The following ZNF737 variants were observed in gnomAD, a reference collection of about 807,000 sequenced individuals.
ZNF737 encodes the protein zinc finger protein 737, also known as zinc finger protein 102 (Y3).
ZNF737 carries 13 observed loss-of-function variants against 11.7 expected under a neutral mutation model. The observed-to-expected ratio is 1.11, with a 90% CI of 0.73 to 1.77. ZNF737 has a LOEUF of 1.77. Ranked by LOEUF, ZNF737 falls within the 40% of genes most tolerant of loss-of-function variation. The pLI, the probability that ZNF737 is intolerant of heterozygous loss-of-function variation, is 0.00. For missense variants in ZNF737, 636 were observed against 638.0 expected (o/e 1.00, Z 0.03); for synonymous variants, 217 against 216.2 (o/e 1.00, Z -0.03).
intron 2 of ZNF737, 132 bp downstream of exon 2, chr19:20,553,577 T>C: frequency 9.8e-7 from 1 of 1,017,312 alleles, no homozygotes; most frequent in Non-Finnish European, 1.4e-6. Context: ...AATGAACAAA[T>C]TCTGAAGATT....
Position 20,541,104 on chromosome 19 carries a change from C to A in ZNF737, c.*3488G>T. ...TCTGGGGAGAATCCGAATCACAGGCCAGAACATTTTATATTAATAAATTCA... is the reference window on the plus strand; with the variant it reads ...TCTGGGGAGAATCCGAATCACAGGCAAGAACATTTTATATTAATAAATTCA... On this transcript the variant is annotated 3_prime_UTR_variant, in exon 4 of 4. Transcript: ENST00000427401. 2.0e-6 allele frequency: 2 copies of A among 984,332 alleles called. No homozygotes were observed. Among genetic ancestry groups the A allele is most frequent in the Non-Finnish European group, 2.4e-6 (2 of 829,032 alleles). The allele number at this position is 984,332 out of a possible 1,614,324, so 61.0% of individuals were successfully genotyped here.
rs1349729749 is a variant in ZNF737, at chr19:20,540,180, A to G, written c.*4412T>C. On this transcript the variant is annotated 3_prime_UTR_variant, in exon 4 of 4. Coordinates refer to ENST00000427401, the MANE Select transcript of ZNF737 (RefSeq NM_001159293.2). Reference sequence around the variant, plus strand: ...GTGGCCACCATAAGCAGCTTACAACATGTTCTACCTAGAAGTCACTTACTT... The same window carrying G: ...GTGGCCACCATAAGCAGCTTACAACGTGTTCTACCTAGAAGTCACTTACTT... The G allele has an allele frequency of 1.0e-6, 1 of 984,890 alleles. No homozygotes were observed. The highest frequency in any genetic ancestry group is 1.1e-4 in the East Asian group (1 of 8,816). 61.0% of individuals were successfully genotyped at this position (984,890 alleles called of 1,614,324 possible). A position where few individuals can be genotyped will look rare whatever the true frequency, so the allele number is the denominator to read the frequency against.
rs1478700229 is a variant in ZNF737, at chr19:20,541,167, TA to T, written c.*3424del. The T allele has an allele frequency of 5.1e-6, 5 of 982,704 alleles. No individual in the cohort carries two copies. The South Asian group carries it at 2.4e-4, about 46-fold the overall frequency. The allele number at this position is 982,704 out of a possible 1,614,324, so 60.9% of individuals were successfully genotyped here. A position where few individuals can be genotyped will look rare whatever the true frequency, so the allele number is the denominator to read the frequency against. On this transcript the variant is annotated 3_prime_UTR_variant, in exon 4 of 4. Transcript: ENST00000427401. ...AAGTATAGATTTGCTTTCACCATTT[TA>T]AAAGTGTTTAGTTTTGTTAATCACC...
rs1427144564 is a variant in ZNF737, at chr19:20,544,650, A to T, written c.1553T>A (p.Phe518Tyr). The change falls in exon 4 of 4, where the codon TTT (phenylalanine) becomes TAT (tyrosine). Residue 518 changes from phenylalanine (F) to tyrosine (Y), a missense_variant. Phe to Tyr is a conservative substitution (Grantham distance 22). Coordinates refer to ENST00000427401, the MANE Select transcript of ZNF737 (RefSeq NM_001159293.2). ...PYKCEECGKGFKCPSTLTTHK... is the reference protein window; with the variant it reads ...PYKCEECGKGYKCPSTLTTHK... ...TGTAGTAAGGGTAGAGGGGCACTTA[A>T]AGCCTTTGCCACATTCTTCACATTT... 8 of 1,608,530 alleles carry T rather than the reference A, an allele frequency of 5.0e-6. No homozygotes were observed. The highest frequency in any genetic ancestry group is 5.9e-6 in the Non-Finnish European group (7 of 1,177,862).
At chr19:20,557,486 T>TA (rs35068430) in intron 1 of ZNF737, among the ~76,000 whole-genome samples, 19,779 of 135,908 alleles carry the variant, frequency 0.15, 3,599 homozygotes, top group African/African-American at 0.44. Context: ...TAAGCTTACC[T>TA]AAAAAAAAAA....
Position 20,553,817 on chromosome 19 carries a change from C to T in ZNF737, c.22G>A (p.Asp8Asn). The stretch of plus-strand genomic sequence containing the variant: ...TCCAGAGAGAATTCTATGGCCACGT[C>T]TCTAAATTGCAATGGCCCCTGAAAC... Reference protein sequence around the residue: MGPLQFRDVAIEFSLEEW... With the variant: MGPLQFRNVAIEFSLEEW... Residue 8 changes from aspartate (D) to asparagine (N), a missense_variant, in exon 2 of 4, where the codon GAC becomes AAC. Asp to Asn is a conservative substitution (Grantham distance 23). Coordinates refer to ENST00000427401, the MANE Select transcript of ZNF737 (RefSeq NM_001159293.2). The T allele has an allele frequency of 1.2e-6, 2 of 1,613,696 alleles. No individual in the cohort carries two copies. Among genetic ancestry groups the T allele is most frequent in the Non-Finnish European group, 1.7e-6 (2 of 1,179,888 alleles).
chr19:20,562,072 C>T (rs1302287032), intron 1 of ZNF737, among the ~76,000 whole-genome samples: 5 of 152,138 alleles, frequency 3.3e-5, no homozygotes, highest in African/African-American at 4.8e-5. Context: ...TGGAAAGAAA[C>T]ACTGTTCCCA....
chr19:20,549,803 G>A (rs1434865330), intron 3 of ZNF737, among the ~76,000 whole-genome samples: 3 of 151,702 alleles, frequency 2.0e-5, no homozygotes. Context: ...GGTGACACAC[G>A]CCTGTAATCC....
chr19:20,549,742 C>T (rs1217898839), intron 3 of ZNF737, among the ~76,000 whole-genome samples: 1 of 151,364 alleles, frequency 6.6e-6, no homozygotes, highest in Non-Finnish European at 1.5e-5. Context: ...CCAGCCTGGC[C>T]GAAGTGGTGA....
At chr19:20,537,511 ATTTTTT>A (rs1163609628), downstream of ZNF737, among the ~76,000 whole-genome samples, 6,355 of 77,034 alleles carry the variant, frequency 0.082, 172 homozygotes, top group African/African-American at 0.12. Flanking sequence ...CTGGTTTTCT[ATTTTTT>A]TTTTTTTTTT....
chr19:20,539,546 C>T lies in ZNF737; in HGVS notation c.*5046G>A, dbSNP rs1320413154. Reference sequence around the variant, plus strand: ...ATTTCAAATGTTTTCTCTAATGTTACCTTGGTCATGTGAATCTAAAAGAAA... The same window carrying T: ...ATTTCAAATGTTTTCTCTAATGTTATCTTGGTCATGTGAATCTAAAAGAAA... On this transcript the variant is annotated 3_prime_UTR_variant, in exon 4 of 4. Coordinates refer to ENST00000427401, the MANE Select transcript of ZNF737 (RefSeq NM_001159293.2). The T allele has an allele frequency of 7.1e-6, 7 of 984,382 alleles. No individual in the cohort carries two copies. The highest frequency in any genetic ancestry group is 1.1e-4 in the East Asian group (1 of 8,804). 61.0% of individuals were successfully genotyped at this position (984,382 alleles called of 1,614,324 possible). A position where few individuals can be genotyped will look rare whatever the true frequency, so the allele number is the denominator to read the frequency against.
At chr19:20,550,326 T>C (rs1322596214) in intron 3 of ZNF737, among the ~76,000 whole-genome samples, 1 of 152,206 alleles carries the variant, frequency 6.6e-6, no homozygotes, top group African/African-American at 2.4e-5. Context: ...CATCCTATAA[T>C]TCCTTTTTAC....
At position 20,545,845 on chromosome 19, in the gene ZNF737, C is replaced by T; in HGVS notation, c.358G>A (p.Val120Ile). The T allele has an allele frequency of 2.5e-6, 4 of 1,613,722 alleles. No individual in the cohort carries two copies. The highest frequency in any genetic ancestry group is 3.4e-6 in the Non-Finnish European group (4 of 1,179,888). ...NLQFKKGCES[V>I]DECKVHKRGY... Reference sequence around the variant, plus strand: ...CTTTTGTGCACCTTACACTCATCTACACTTTCACAGCCCTTTTTAAACTGT... The same window carrying T: ...CTTTTGTGCACCTTACACTCATCTATACTTTCACAGCCCTTTTTAAACTGT... The change falls in exon 4 of 4, where the codon GTA becomes ATA. Residue 120 changes from valine to isoleucine, a missense_variant. By Grantham distance (29) the Val-to-Ile change is conservative. Coordinates refer to ENST00000427401, the MANE Select transcript of ZNF737 (RefSeq NM_001159293.2).
intron 1 of ZNF737, among the ~76,000 whole-genome samples, chr19:20,562,577 C>T (rs181952048): frequency 2.0e-5 from 3 of 151,300 alleles, no homozygotes; most frequent in Admixed American, 6.6e-5. Context: ...AGGCTGGTCT[C>T]GAACTCCCGA....
Position 20,543,012 on chromosome 19 carries a change from G to T in ZNF737, c.*1580C>A. 1.0e-6 allele frequency: 1 copy of T among 985,220 alleles called. No homozygotes were observed. Among genetic ancestry groups the T allele is most frequent in the Non-Finnish European group, 1.2e-6 (1 of 829,810 alleles). 61.0% of individuals were successfully genotyped at this position (985,220 alleles called of 1,614,324 possible). On this transcript the variant is annotated 3_prime_UTR_variant, in exon 4 of 4. Coordinates refer to ENST00000427401, the MANE Select transcript of ZNF737 (RefSeq NM_001159293.2). ...CATTTACCTAAAAACTGCAGTTGTG[G>T]ATTAGTTTTTATATTCAATGCTCTG...
chr19:20,553,034 GAAAA>G (rs1199993646), intron 2 of ZNF737, among the ~76,000 whole-genome samples: 22 of 145,982 alleles, frequency 1.5e-4, no homozygotes, highest in Non-Finnish European at 2.9e-4. Context: ...AAAAAAAAAA[GAAAA>G]AGAAAGAAAA....
Position 20,538,982 on chromosome 19 carries a change from A to G in ZNF737, c.*5610T>C. 2.0e-6 allele frequency: 2 copies of G among 985,358 alleles called. No homozygotes were observed. Among genetic ancestry groups the G allele is most frequent in the South Asian group, 4.7e-5 (1 of 21,266 alleles). The allele number at this position is 985,358 out of a possible 1,614,324, so 61.0% of individuals were successfully genotyped here. A position where few individuals can be genotyped will look rare whatever the true frequency, so the allele number is the denominator to read the frequency against. ...CAGAGAAGAGCAATGTGTGTACATA[A>G]TGTGCATTTTCCTGCCTACCAAAAT... On this transcript the variant is annotated 3_prime_UTR_variant, in exon 4 of 4. Coordinates refer to ENST00000427401, the MANE Select transcript of ZNF737 (RefSeq NM_001159293.2).
At chr19:20,562,340 A>AT (rs56851244) in intron 1 of ZNF737, among the ~76,000 whole-genome samples, 50,445 of 123,698 alleles carry the variant, frequency 0.41, 10,864 homozygotes, top group East Asian at 0.56. Flanking sequence ...CACCTGGCTA[A>AT]TTTTTTTTTT....
chr19:20,545,867 C>G lies in ZNF737; in HGVS notation c.336G>C (p.Gln112His), dbSNP rs1568428012. 1 of 1,613,282 alleles carries G rather than the reference C, an allele frequency of 6.2e-7. No homozygotes were observed. The highest frequency in any genetic ancestry group is 8.5e-7 in the Non-Finnish European group (1 of 1,179,784). ...RYENYGHDNL[Q>H]FKKGCESVDE... ...CTACACTTTCACAGCCCTTTTTAAA[C>G]TGTAAATTGTCATGTCCATAGTTTT... The change falls in exon 4 of 4, where the codon CAG (glutamine) becomes CAC (histidine). Residue 112 changes from glutamine to histidine, a missense_variant. Transcript: ENST00000427401.
Sources: gnomAD v4.1 joint callset for allele counts (sites outside exome capture counted in the v4.1 genomes callset) on GRCh38, gnomAD v4.1.1 for gene constraint, MANE v1.5 for transcripts, NCBI Gene and HGNC (gene_info 2026-07-23, HGNC 2026-07-21) for gene names.